The following CD109 variants were observed in gnomAD, a reference collection of about 807,000 sequenced individuals.
CD109 encodes the protein CD109 antigen.
In CD109, 149 loss-of-function variants were observed where a neutral mutation model predicts 165.8. The observed-to-expected ratio is 0.90, with a 90% confidence interval of 0.79 to 1.03. The LOEUF (loss-of-function observed/expected upper bound fraction) is 1.03, where lower values mean the gene tolerates loss of function less well. Among genes scored for constraint, CD109 ranks in the 50% least tolerant of loss-of-function variants. CD109 has a pLI of 0.00. For missense variants in CD109, 1,712 were observed against 1,677.8 expected (o/e 1.02, Z -0.36); for synonymous variants, 585 against 592.1 (o/e 0.99, Z 0.18).
chr6:73,768,071 A>G lies in CD109; in HGVS notation c.1514A>G (p.Gln505Arg). ...TCTTTTCAGGTAGTATCCAGGGGAC[A>G]GTTGGTGGCTGTAGGAAAACAAAAT... ...ELSYMVVSRG[Q>R]LVAVGKQNST... The change falls in exon 14 of 33, where the codon CAG becomes CGG. Residue 505 changes from glutamine to arginine, a missense_variant. By Grantham distance (43) the Gln-to-Arg change is conservative. Coordinates refer to ENST00000287097, the MANE Select transcript of CD109 (RefSeq NM_133493.5). 1 of 1,613,356 alleles carries G rather than the reference A, an allele frequency of 6.2e-7. No homozygotes were observed.
chr6:73,707,305 C>T (rs1302601659), intron 2 of CD109, among the ~76,000 whole-genome samples: 7 of 152,098 alleles, frequency 4.6e-5, no homozygotes, highest in Non-Finnish European at 7.3e-5. Flanking sequence ...CTAAGAGGAA[C>T]GGTTATCTAC....
intron 22 of CD109, among the ~76,000 whole-genome samples, chr6:73,791,729 A>G (rs535842818): frequency 1.1e-4 from 16 of 152,324 alleles, no homozygotes; most frequent in African/African-American, 3.4e-4. Flanking sequence ...TATTAAACAC[A>G]TAGCCTGCAG....
chr6:73,766,533 GTGTA>G (rs966633087), intron 11 of CD109, among the ~76,000 whole-genome samples: 3 of 100,474 alleles, frequency 3.0e-5, no homozygotes, highest in Admixed American at 9.9e-5. Context: ...ATATGTGTGT[GTGTA>G]TATATATATA....
At chr6:73,747,576 C>G (rs981158999) in intron 5 of CD109, among the ~76,000 whole-genome samples, 1 of 152,310 alleles carries the variant, frequency 6.6e-6, no homozygotes, top group African/African-American at 2.4e-5. Flanking sequence ...AAATTGGCCT[C>G]TCTGAGAGAA....
intron 5 of CD109, among the ~76,000 whole-genome samples, chr6:73,742,341 TTC>T (rs1432264209): frequency 6.6e-6 from 1 of 152,254 alleles, no homozygotes; most frequent in Non-Finnish European, 1.5e-5. Flanking sequence ...TATCAGAATT[TTC>T]TCTCTTTTAA....
intron 2 of CD109, 60 bp from the exon 3 acceptor site, chr6:73,723,191 G>T (rs1772023196): frequency 2.5e-6 from 4 of 1,608,804 alleles, no homozygotes; most frequent in Admixed American, 1.7e-5. Flanking sequence ...TGGAAGGTTT[G>T]TATTCTATCA....
chr6:73,788,659 C>G (rs777549723), intron 22 of CD109, 47 bp downstream of exon 22: 1 of 1,505,002 alleles, frequency 6.6e-7, no homozygotes, highest in Non-Finnish European at 9.1e-7. Flanking sequence ...TGTATATGAT[C>G]ATATATGTTG....
chr6:73,694,400 A>G (rs752168969), upstream of CD109: 1 of 152,202 alleles, frequency 6.6e-6, no homozygotes, highest in Non-Finnish European at 1.5e-5. Context: ...AGGTGGCATC[A>G]CTTTAAAATC....
rs897683570 is a variant in CD109 at position 73,782,491 on chromosome 6, A to G, written c.1964-123A>G. 4.6e-6 allele frequency: 4 copies of G among 868,976 alleles called. No homozygotes were observed. In the African/African-American group the frequency reaches 6.7e-5, roughly 15 times the overall value. 53.8% of individuals were successfully genotyped at this position (868,976 alleles called of 1,614,324 possible). A position where few individuals can be genotyped will look rare whatever the true frequency, so the allele number is the denominator to read the frequency against. On this transcript the variant is annotated intron_variant, in intron 17 of 32. Transcript: ENST00000287097. ...TTCACTGTAACAGAAGGAACCTGAT[A>G]CTCTCACTGGCACATTATGTCTCTG... is the stretch of plus-strand genomic sequence containing the variant.
chr6:73,728,308 T>TCAAAA lies in CD109; in HGVS notation c.277-2013_277-2009dup, dbSNP rs573815888. Among the ~76,000 whole-genome samples, 555 of 152,160 alleles carry TCAAAA rather than the reference T, an allele frequency of 3.6e-3. 2 individuals carry two copies. The highest frequency in any genetic ancestry group is 8.3e-3 in the African/African-American group (344 of 41,504). ...CTGGGCAACAGAGCAAGAGTTCGTC[T>TCAAAA]CAAAACAAAACAAAACAAAACAAAA... On this transcript the variant is annotated intron_variant, in intron 3 of 32. Coordinates refer to ENST00000287097, the MANE Select transcript of CD109 (RefSeq NM_133493.5).
chr6:73,737,486 G>A (rs1262671475), intron 5 of CD109, among the ~76,000 whole-genome samples: 1 of 152,094 alleles, frequency 6.6e-6, no homozygotes, highest in Admixed American at 6.5e-5. Context: ...GTATGATGTG[G>A]TTTTAAAGAA....
chr6:73,680,501 G>A, the CD109 span, among the ~76,000 whole-genome samples: 19 of 152,300 alleles, frequency 1.2e-4, no homozygotes, highest in African/African-American at 4.6e-4. Context: ...GGGCAGACAG[G>A]ATGTGAAAAA....
Position 73,736,438 on chromosome 6 carries a change from T to TCATTTC in CD109, c.566_571dup (p.Ile189_Ser190dup), listed in dbSNP as rs1772548074. On this transcript the variant is annotated inframe_insertion, in exon 5 of 33. Transcript: ENST00000287097. ...TTGTCACAACAAAGTGATCTTGGAGTCATTTCCAAAACTTTTCAGCTATCT... is the reference window on the plus strand; with the variant it reads ...TTGTCACAACAAAGTGATCTTGGAGTCATTTCCATTTCCAAAACTTTTCAGCTATCT... The TCATTTC allele has an allele frequency of 6.2e-7, 1 of 1,613,884 alleles. No individual in the cohort carries two copies. Among genetic ancestry groups the TCATTTC allele is most frequent in the African/African-American group, 1.3e-5 (1 of 75,022 alleles).
In CD109 at chr6:73,787,218, TA is replaced by T; in HGVS notation, c.2338-15del. Reference sequence around the variant, plus strand: ...CATCTATTATACAAAAGCTTTGATTTATTTTTTTCTTTCAGGTTAAGGTAAT... The same window carrying T: ...CATCTATTATACAAAAGCTTTGATTTTTTTTTTCTTTCAGGTTAAGGTAAT... On this transcript the variant is annotated splice_polypyrimidine_tract_variant and intron_variant, in intron 20 of 32. Transcript: ENST00000287097. The T allele has an allele frequency of 6.5e-7, 1 of 1,541,436 alleles. No homozygotes were observed. The highest frequency in any genetic ancestry group is 9.0e-7 in the Non-Finnish European group (1 of 1,117,270).
intron 30 of CD109, 57 bp from the exon 31 acceptor site, chr6:73,818,331 A>T: frequency 6.3e-7 from 1 of 1,580,200 alleles, no homozygotes; most frequent in Non-Finnish European, 8.7e-7. Context: ...AGATAATTTG[A>T]TAACAGCTAT....
At chr6:73,781,775 A>G (rs576332458) in intron 17 of CD109, among the ~76,000 whole-genome samples, 1 of 150,212 alleles carries the variant, frequency 6.7e-6, no homozygotes, top group East Asian at 2.0e-4. Context: ...ACACACAGAC[A>G]CAGACACACA....
chr6:73,777,865 CT>C (rs2150245110), intron 15 of CD109, among the ~76,000 whole-genome samples: 1 of 152,194 alleles, frequency 6.6e-6, no homozygotes, highest in African/African-American at 2.4e-5. Flanking sequence ...CAGCTTTGTT[CT>C]TTTTGCTTAG....
intron 15 of CD109, among the ~76,000 whole-genome samples, chr6:73,779,387 T>C (rs961855256): frequency 1.3e-5 from 2 of 152,008 alleles, no homozygotes; most frequent in Non-Finnish European, 2.9e-5. Flanking sequence ...TAGTTGGGAC[T>C]ACAGGCGCCC....
At position 73,823,864 on chromosome 6, in the gene CD109, CT is replaced by C. The variant is rs1776189508; in HGVS notation, c.*232del. On this transcript the variant is annotated 3_prime_UTR_variant, in exon 33 of 33. Coordinates refer to ENST00000287097, the MANE Select transcript of CD109 (RefSeq NM_133493.5). ...TGCAGTTGTGTGTCTATATTTTCCC[CT>C]CTCAAAATCTTTTAGAATTTTTTTG... 2 of 359,528 alleles carry C rather than the reference CT, an allele frequency of 5.6e-6. No homozygotes were observed. Among genetic ancestry groups the C allele is most frequent in the Non-Finnish European group, 1.0e-5 (2 of 200,356 alleles). 22.3% of individuals were successfully genotyped at this position (359,528 alleles called of 1,614,324 possible). A position where few individuals can be genotyped will look rare whatever the true frequency, so the allele number is the denominator to read the frequency against.
Sources: allele counts gnomAD v4.1 joint callset (sites outside exome capture counted in the v4.1 genomes callset), GRCh38; gene constraint gnomAD v4.1.1; transcripts MANE v1.5; gene names NCBI Gene and HGNC (gene_info 2026-07-23, HGNC 2026-07-21).